Variants in CAST observed in about 807,000 individuals in gnomAD.
CAST encodes the protein MIR583 host.
In CAST, 76 loss-of-function variants were observed where a neutral mutation model predicts 119.6. The observed-to-expected ratio is 0.64, with a 90% CI of 0.53 to 0.77. CAST has a LOEUF of 0.77. Among genes scored for constraint, CAST ranks in the 30% least tolerant of loss-of-function variants. CAST has a pLI of 0.00. For missense variants in CAST, 953 were observed against 946.5 expected, an observed-to-expected ratio of 1.01 and a Z score of -0.09; for synonymous variants, 319 against 331.6, an observed-to-expected ratio of 0.96 and a Z score of 0.41.
chr5:96,744,505 T>G (rs924505309), intron 16 of CAST, among the ~76,000 whole-genome samples: 1 of 152,184 alleles, frequency 6.6e-6, no homozygotes, highest in Non-Finnish European at 1.5e-5. Flanking sequence ...TACCTCCCAC[T>G]GGGTCCCTCC....
intron 1 of CAST, among the ~76,000 whole-genome samples, chr5:96,548,898 G>T (rs1413299287): frequency 6.6e-6 from 1 of 152,216 alleles, no homozygotes; most frequent in Non-Finnish European, 1.5e-5. Context: ...GTTCATAGCT[G>T]TCAGGCAGAG....
chr5:96,417,473 A>G, the CAST span, among the ~76,000 whole-genome samples: 1 of 151,796 alleles, frequency 6.6e-6, no homozygotes. Context: ...ACTTTCAAGG[A>G]CTGATGTAGA....
At chr5:96,111,493 A>G in the CAST span, among the ~76,000 whole-genome samples, 2 of 152,294 alleles carry the variant, frequency 1.3e-5, no homozygotes, top group South Asian at 4.1e-4. Flanking sequence ...GAAGGTTTCA[A>G]TCCTCTAAAC....
At chr5:96,253,784 G>A in the CAST span, among the ~76,000 whole-genome samples, 1 of 152,070 alleles carries the variant, frequency 6.6e-6, no homozygotes, top group Non-Finnish European at 1.5e-5. Context: ...CCAGTTGAAT[G>A]TATTTGAAAT....
the CAST span, among the ~76,000 whole-genome samples, chr5:96,289,256 A>T: frequency 6.6e-6 from 1 of 152,194 alleles, no homozygotes; most frequent in Non-Finnish European, 1.5e-5. Flanking sequence ...GTGTTCAACA[A>T]AGAAGATCAC....
At chr5:96,505,803 C>A in the CAST span, among the ~76,000 whole-genome samples, 1 of 152,232 alleles carries the variant, frequency 6.6e-6, no homozygotes, top group Non-Finnish European at 1.5e-5. Context: ...GTGGAAGCTA[C>A]ATCCACAGGC....
At chr5:96,176,127 C>T in the CAST span, among the ~76,000 whole-genome samples, 10 of 152,228 alleles carry the variant, frequency 6.6e-5, no homozygotes, top group Non-Finnish European at 1.3e-4. Context: ...TTCCCAGGCC[C>T]AGGGAATAGG....
At chr5:96,270,589 A>G in the CAST span, among the ~76,000 whole-genome samples, 1 of 152,236 alleles carries the variant, frequency 6.6e-6, no homozygotes, top group Non-Finnish European at 1.5e-5. Flanking sequence ...CGTTATCCTC[A>G]GCAAACTAAC....
the CAST span, among the ~76,000 whole-genome samples, chr5:96,128,400 G>C: frequency 6.6e-6 from 1 of 152,038 alleles, no homozygotes; most frequent in Non-Finnish European, 1.5e-5. Flanking sequence ...GTTTTGCTTA[G>C]AGCACTCACC....
chr5:96,524,960 A>G (rs529617123), upstream of CAST, among the ~76,000 whole-genome samples: 1 of 152,316 alleles, frequency 6.6e-6, no homozygotes, highest in East Asian at 1.9e-4. Flanking sequence ...CCAAGACGGA[A>G]GTGGGAATGA....
At chr5:96,250,707 C>T in the CAST span, among the ~76,000 whole-genome samples, 2 of 152,012 alleles carry the variant, frequency 1.3e-5, no homozygotes, top group Non-Finnish European at 2.9e-5. Flanking sequence ...AGGTAGGCAA[C>T]AGCAGTCTGC....
At chr5:96,434,822 C>A in the CAST span, among the ~76,000 whole-genome samples, 1 of 152,158 alleles carries the variant, frequency 6.6e-6, no homozygotes, top group Admixed American at 6.5e-5. Context: ...TTTGCCTCCA[C>A]GTTTGCAGAA....
At chr5:96,699,838 A>C (rs1753681728) in intron 3 of CAST, among the ~76,000 whole-genome samples, 1 of 152,218 alleles carries the variant, frequency 6.6e-6, no homozygotes, top group Admixed American at 6.5e-5. Context: ...GACAAAGGAA[A>C]ACAGGAGAAT....
the CAST span, among the ~76,000 whole-genome samples, chr5:96,371,669 T>C: frequency 3.3e-5 from 5 of 152,196 alleles, no homozygotes; most frequent in South Asian, 1.0e-3. Context: ...TTACCTATCA[T>C]ACCATCTGGC....
At chr5:96,737,083 A>G (rs1282634474) in intron 10 of CAST, among the ~76,000 whole-genome samples, 1 of 152,182 alleles carries the variant, frequency 6.6e-6, no homozygotes, top group African/African-American at 2.4e-5. Flanking sequence ...GAACAGCATG[A>G]AAATCGCCCC....
upstream of CAST, among the ~76,000 whole-genome samples, chr5:96,521,237 C>T (rs370984727): frequency 6.6e-6 from 1 of 152,292 alleles, no homozygotes; most frequent in East Asian, 1.9e-4. Context: ...CCAATTTGAT[C>T]ATCTCACTCT....
chr5:96,414,974 G>A, the CAST span, among the ~76,000 whole-genome samples: 1 of 152,176 alleles, frequency 6.6e-6, no homozygotes, highest in African/African-American at 2.4e-5. Flanking sequence ...CAAATGCAAG[G>A]TATACTCATG....
the CAST span, among the ~76,000 whole-genome samples, chr5:96,088,272 G>C: frequency 6.6e-6 from 1 of 152,086 alleles, no homozygotes; most frequent in African/African-American, 2.4e-5. Context: ...CACTCCCTCC[G>C]GAGACAAATT....
At chr5:96,453,558 G>A in the CAST span, among the ~76,000 whole-genome samples, 1 of 152,166 alleles carries the variant, frequency 6.6e-6, no homozygotes, top group Non-Finnish European at 1.5e-5. Context: ...AAGTGTGTCA[G>A]GCATTACCAT....
Sources: allele counts gnomAD v4.1 joint callset (sites outside exome capture counted in the v4.1 genomes callset), GRCh38; gene constraint gnomAD v4.1.1; transcripts MANE v1.5; gene names NCBI Gene and HGNC (gene_info 2026-07-23, HGNC 2026-07-21).